The following GPX4 variants were observed in gnomAD, a reference collection of about 807,000 sequenced individuals.
GPX4 encodes phospholipid hydroperoxide glutathione peroxidase GPX4.
A neutral mutation model predicts 27.8 loss-of-function variants in GPX4; 28 were observed. The observed-to-expected ratio is 1.01, with a 90% confidence interval of 0.75 to 1.38. GPX4 has a LOEUF of 1.38. Ranked by LOEUF, GPX4 falls within the 40% of genes most tolerant of loss-of-function variation. The probability of loss-of-function intolerance (pLI) is 0.00; values close to 1 mark genes in which losing one functional copy is unlikely to be tolerated. For synonymous variants in GPX4, 163 were observed against 107.8 expected, an observed-to-expected ratio of 1.51 and a Z score of -3.17; for missense variants, 357 against 274.1, an observed-to-expected ratio of 1.30 and a Z score of -2.14.
Position 1,105,676 on chromosome 19 carries a change from GA to G in GPX4, c.344del (p.Glu115GlyfsTer?), listed in dbSNP as rs1293079166. ...GCCACAGGAGCCAGGGAGTAACGAA[GA>G]GATCAAAGAGTTCGCCGCGGGCTAC... ...FGKQEPGSNE[E>X]IKEFAAGYNV... On this transcript the variant is annotated frameshift_variant, in exon 4 of 7. Transcript: ENST00000354171. LOFTEE classifies it high-confidence loss of function. 2 of 1,613,084 alleles carry G rather than the reference GA, an allele frequency of 1.2e-6. No individual in the cohort carries two copies. The highest frequency in any genetic ancestry group is 1.7e-6 in the Non-Finnish European group (2 of 1,179,722).
At position 1,105,693 on chromosome 19, in the gene GPX4, C is replaced by G. The variant is rs780546024; in HGVS notation, c.360C>G (p.Ala120=). 6.2e-7 allele frequency: 1 copy of G among 1,612,642 alleles called. No individual in the cohort carries two copies. Among genetic ancestry groups the G allele is most frequent in the East Asian group, 2.2e-5 (1 of 44,836 alleles). Residue 120 remains alanine (A), a synonymous_variant, in exon 4 of 7, where the codon GCC becomes GCG. Transcript: ENST00000354171. ...GTAACGAAGAGATCAAAGAGTTCGC[C>G]GCGGGCTACAACGTCAAATTCGATA... is the stretch of plus-strand genomic sequence containing the variant. The part of the protein sequence containing the change: ...PGSNEEIKEF[A]AGYNVKFDMF...
chr19:1,105,904 CG>C (rs968684847), intron 4 of GPX4, 95 bp downstream of exon 4: 16 of 1,365,844 alleles, frequency 1.2e-5, no homozygotes, highest in East Asian at 1.1e-4. Context: ...GCTCATGGCT[CG>C]GGGGGCGGTT....
intron 2 of GPX4, 39 bp downstream of exon 2, chr19:1,105,319 T>G (rs770740384): frequency 1.2e-6 from 2 of 1,612,524 alleles, no homozygotes; most frequent in South Asian, 2.2e-5. Flanking sequence ...GGTCGGGCCC[T>G]GGGAGGGGGC....
intron 1 of GPX4, 131 bp downstream of exon 1, chr19:1,104,258 C>A (rs1173464800): frequency 1.3e-6 from 1 of 786,870 alleles, no homozygotes; most frequent in Non-Finnish European, 1.8e-6. Context: ...GGGGCTCCCC[C>A]TCCCCACCCC....
In GPX4 at chr19:1,104,704, G is replaced by A. The variant is rs2079626826; in HGVS notation, c.85-482G>A. On this transcript the variant is annotated intron_variant, in intron 1 of 6. Transcript: ENST00000354171. ...TCCCCGCTAGCGGCGCTCGGGGTGG[G>A]GGAGCCAGGAGGGGCGGGAGACGGG... is the stretch of plus-strand genomic sequence containing the variant. The A allele has an allele frequency of 7.1e-6, 7 of 985,138 alleles. No homozygotes were observed. The South Asian group carries it at 2.3e-4, about 33-fold the overall frequency. The allele number at this position is 985,138 out of a possible 1,614,324, so 61.0% of individuals were successfully genotyped here. A position where few individuals can be genotyped will look rare whatever the true frequency, so the allele number is the denominator to read the frequency against.
intron 3 of GPX4, 46 bp downstream of exon 3, chr19:1,105,556 G>T (rs751368206): frequency 6.2e-7 from 1 of 1,600,462 alleles, no homozygotes; most frequent in Non-Finnish European, 8.5e-7. Flanking sequence ...GTGGGTGGGG[G>T]TCGGGGTGGG....
chr19:1,106,342 G>A (rs770953842), intron 5 of GPX4, 58 bp from the exon 6 acceptor site: 2 of 1,610,702 alleles, frequency 1.2e-6, no homozygotes, highest in Admixed American at 1.7e-5. Flanking sequence ...CGGACAGGAA[G>A]GGCAGCCTCA....
At position 1,104,060 on chromosome 19, in the gene GPX4, TTTGC is replaced by T; in HGVS notation, c.18_21del (p.Cys7AlafsTer3). On this transcript the variant is annotated frameshift_variant, in exon 1 of 7. Coordinates refer to ENST00000354171, the MANE Select transcript of GPX4 (RefSeq NM_002085.5). LOFTEE classifies it high-confidence loss of function. ...CCCGCCGCGATGAGCCTCGGCCGCC[TTTGC>T]CGCCTACTGAAGCCGGCGCTGCTCT... is the stretch of plus-strand genomic sequence containing the variant. 1 of 1,519,416 alleles carries T rather than the reference TTTGC, an allele frequency of 6.6e-7. No individual in the cohort carries two copies. The highest frequency in any genetic ancestry group is 8.8e-7 in the Non-Finnish European group (1 of 1,139,956). 94.1% of individuals were successfully genotyped at this position (1,519,416 alleles called of 1,614,324 possible).
chr19:1,106,064 T>C (rs934000892), intron 4 of GPX4, 178 bp from the exon 5 acceptor site: 7 of 536,994 alleles, frequency 1.3e-5, no homozygotes, highest in Non-Finnish European at 2.2e-5. Context: ...TGGGGGGCTG[T>C]TGGGACTCTC....
In GPX4 at chr19:1,106,736, G is replaced by A. The variant is rs763243332; in HGVS notation, c.*164G>A. 65 of 824,652 alleles carry A rather than the reference G, an allele frequency of 7.9e-5. No individual in the cohort carries two copies. Among genetic ancestry groups the A allele is most frequent in the African/African-American group, 1.6e-4 (9 of 57,794 alleles). The allele number at this position is 824,652 out of a possible 1,614,324, so 51.1% of individuals were successfully genotyped here. A position where few individuals can be genotyped will look rare whatever the true frequency, so the allele number is the denominator to read the frequency against. On this transcript the variant is annotated 3_prime_UTR_variant, in exon 7 of 7. Transcript: ENST00000354171. ...CATGGCCTGCTGGGCTTGGCTCGGC[G>A]CCCCCACCCCTGGCTACCTTGTGGG...
rs370996243 is a variant in GPX4 at position 1,106,624 on chromosome 19, T to C, written c.*52T>C. The stretch of plus-strand genomic sequence containing the variant: ...GCCCCTGCCCACGCCCTTGGAGCCT[T>C]CCACCGGCACTCATGACGGCCTGCC... On this transcript the variant is annotated 3_prime_UTR_variant, in exon 7 of 7. Coordinates refer to ENST00000354171, the MANE Select transcript of GPX4 (RefSeq NM_002085.5). 274 of 1,609,252 alleles carry C rather than the reference T, an allele frequency of 1.7e-4. 1 individual carries two copies. In the African/African-American group the frequency reaches 3.4e-3, roughly 20 times the overall value.
chr19:1,104,272 C>G, intron 1 of GPX4, 145 bp downstream of exon 1: 1 of 725,842 alleles, frequency 1.4e-6, no homozygotes, highest in Non-Finnish European at 2.0e-6. Context: ...CCACCCCCGG[C>G]CGGGCACGGA....
rs1022059475 is a variant in GPX4 at position 1,106,756 on chromosome 19, T to C, written c.*184T>C. Reference sequence around the variant, plus strand: ...TCGGCGCCCCCACCCCTGGCTACCTTGTGGGAATAAACAGACAAATTAGCC... The same window carrying C: ...TCGGCGCCCCCACCCCTGGCTACCTCGTGGGAATAAACAGACAAATTAGCC... On this transcript the variant is annotated 3_prime_UTR_variant, in exon 7 of 7. Transcript: ENST00000354171. 2.9e-6 allele frequency: 2 copies of C among 698,610 alleles called. No individual in the cohort carries two copies. The highest frequency in any genetic ancestry group is 1.8e-5 in the African/African-American group (1 of 55,554). The allele number at this position is 698,610 out of a possible 1,614,324, so 43.3% of individuals were successfully genotyped here. A position where few individuals can be genotyped will look rare whatever the true frequency, so the allele number is the denominator to read the frequency against.
rs1212758472 is a variant in GPX4, at chr19:1,105,379, A to C, written c.193A>C (p.Ile65Leu). 6.2e-7 allele frequency: 1 copy of C among 1,610,528 alleles called. No homozygotes were observed. Among genetic ancestry groups the C allele is most frequent in the South Asian group, 1.1e-5 (1 of 91,008 alleles). ...CGATCCTCGCAGGGGCTTCGTGTGC[A>C]TCGTCACCAACGTGGCCTCCCAGTG... ...NLDKYRGFVC[I>L]VTNVASQUGK... is the part of the protein sequence containing the mutation. The change falls in exon 3 of 7, where the codon ATC becomes CTC. Residue 65 changes from isoleucine to leucine, a missense_variant. Transcript: ENST00000354171.
chr19:1,105,111 C>G, intron 1 of GPX4, 75 bp from the exon 2 acceptor site: 1 of 1,564,586 alleles, frequency 6.4e-7, no homozygotes, highest in Non-Finnish European at 8.7e-7. Flanking sequence ...GACCCGCTCC[C>G]GATCCCTTCC....
intron 1 of GPX4, chr19:1,104,669 G>C (rs2079626371): frequency 8.1e-6 from 8 of 985,248 alleles, no homozygotes; most frequent in Non-Finnish European, 9.6e-6. Context: ...TACGGCCTCC[G>C]GGCCCTTTGT....
At position 1,105,515 on chromosome 19, in the gene GPX4, G is replaced by C. The variant is rs563823784; in HGVS notation, c.324+5G>C. On this transcript the variant is annotated splice_donor_5th_base_variant and intron_variant, in intron 3 of 6. Coordinates refer to ENST00000354171, the MANE Select transcript of GPX4 (RefSeq NM_002085.5). ...TGTAACCAGTTCGGGAAGCAGGTGG[G>C]CTGCTGCGTCCCCGGGGCCCGCAGA... 7 of 1,612,248 alleles carry C rather than the reference G, an allele frequency of 4.3e-6. No individual in the cohort carries two copies. The highest frequency in any genetic ancestry group is 5.9e-6 in the Non-Finnish European group (7 of 1,179,678).
chr19:1,104,059 C>T lies in GPX4; in HGVS notation c.16C>T (p.Leu6Phe), dbSNP rs540807904. 7.2e-6 allele frequency: 11 copies of T among 1,519,692 alleles called. No homozygotes were observed. Among genetic ancestry groups the T allele is most frequent in the South Asian group, 3.6e-5 (3 of 82,388 alleles). The allele number at this position is 1,519,692 out of a possible 1,614,324, so 94.1% of individuals were successfully genotyped here. MSLGR[L>F]CRLLKPALLC... is the part of the protein sequence containing the mutation. Reference sequence around the variant, plus strand: ...CCCCGCCGCGATGAGCCTCGGCCGCCTTTGCCGCCTACTGAAGCCGGCGCT... The same window carrying T: ...CCCCGCCGCGATGAGCCTCGGCCGCTTTTGCCGCCTACTGAAGCCGGCGCT... Residue 6 changes from leucine (L) to phenylalanine (F), a missense_variant, in exon 1 of 7, where the codon CTT (leucine) becomes TTT (phenylalanine). Transcript: ENST00000354171.
At chr19:1,106,074 C>T in intron 4 of GPX4, 168 bp from the exon 5 acceptor site, 1 of 681,906 alleles carries the variant, frequency 1.5e-6, no homozygotes, top group East Asian at 2.8e-5. Context: ...TTGGGACTCT[C>T]ACACTGCATG....
Sources: allele counts gnomAD v4.1 joint callset, GRCh38; gene constraint gnomAD v4.1.1; transcripts MANE v1.5; gene names NCBI Gene and HGNC (gene_info 2026-07-23, HGNC 2026-07-21).